Variants in CTNNA2 observed in about 807,000 individuals in gnomAD.
The protein encoded by CTNNA2 is catenin alpha 2, also known as catenin alpha-2.
Under a neutral mutation model 101.0 loss-of-function variants are expected in CTNNA2, and 42 were observed. The observed-to-expected ratio is 0.42, with a 90% confidence interval of 0.32 to 0.54. The LOEUF is 0.54. Ranked by LOEUF, CTNNA2 falls within the 20% of genes least tolerant of loss-of-function variation. The probability of loss-of-function intolerance (pLI) is 0.14; values close to 1 mark genes in which losing one functional copy is unlikely to be tolerated. For synonymous variants in CTNNA2, 450 were observed against 456.4 expected, an observed-to-expected ratio of 0.99 and a Z score of 0.18; for missense variants, 871 against 1,223.1, an observed-to-expected ratio of 0.71 and a Z score of 4.29.
At chr2:79,281,908 T>A (rs1675397195) in intron 2 of CTNNA2, among the ~76,000 whole-genome samples, 1 of 152,198 alleles carries the variant, frequency 6.6e-6, no homozygotes, top group Admixed American at 6.5e-5. Context: ...AAATAACAAC[T>A]ATGTAGCTTC....
intron 3 of CTNNA2, among the ~76,000 whole-genome samples, chr2:79,347,830 T>G (rs1330512326): frequency 6.7e-6 from 1 of 148,574 alleles, no homozygotes; most frequent in East Asian, 2.0e-4. Flanking sequence ...GAAAAACACT[T>G]AAGATTCAGC....
chr2:80,608,590 CTG>C (rs1476451981), intron 17 of CTNNA2: 1 of 268,808 alleles, frequency 3.7e-6, no homozygotes, highest in African/African-American at 2.2e-5. Flanking sequence ...CATTGCCAAG[CTG>C]TGACTATTGT....
intron 4 of CTNNA2, among the ~76,000 whole-genome samples, chr2:79,478,158 A>T (rs1671073194): frequency 6.6e-6 from 1 of 152,114 alleles, no homozygotes; most frequent in African/African-American, 2.4e-5. Context: ...TCCCCCACTA[A>T]ATTTCCAACC....
chr2:80,106,766 G>T (rs1700914430), intron 7 of CTNNA2, among the ~76,000 whole-genome samples: 1 of 152,076 alleles, frequency 6.6e-6, no homozygotes, highest in South Asian at 2.1e-4. Context: ...ATGCTGCTGA[G>T]GCTCTCCAGG....
At chr2:79,592,521 T>A (rs1676930005) in intron 1 of CTNNA2, among the ~76,000 whole-genome samples, 1 of 152,084 alleles carries the variant, frequency 6.6e-6, no homozygotes, top group African/African-American at 2.4e-5. Context: ...TTCTGAGATG[T>A]GGGGGGTGCT....
Position 80,164,901 on chromosome 2 carries a change from A to G in CTNNA2, c.1057-228310A>G, listed in dbSNP as rs563250715. Among the ~76,000 whole-genome samples the G allele has an allele frequency of 9.3e-5, 14 of 150,484 alleles. 1 individual carries two copies. The South Asian group carries it at 2.7e-3, about 29-fold the overall frequency. ...TCTGGTCTCCCTGACTTTTGATAAG[A>G]AATCTACTCTTATTTGAACAGCTTT... On this transcript the variant is annotated intron_variant, in intron 7 of 18. Coordinates refer to ENST00000402739, the MANE Select transcript of CTNNA2 (RefSeq NM_001282597.3).
At chr2:79,488,318 C>CAAAAAAAAAAAA (rs61641596) in intron 4 of CTNNA2, among the ~76,000 whole-genome samples, 1 of 99,874 alleles carries the variant, frequency 1.0e-5, no homozygotes, top group Non-Finnish European at 2.2e-5. Context: ...AACTCCATCT[C>CAAAAAAAAAAAA]AAAAAAAAAA....
chr2:79,789,523 G>A (rs1419483306), intron 3 of CTNNA2, among the ~76,000 whole-genome samples: 2 of 152,096 alleles, frequency 1.3e-5, no homozygotes, highest in East Asian at 3.9e-4. Flanking sequence ...TGTGAGCCGA[G>A]TTTTTATTGC....
chr2:79,237,616 C>T (rs1385459029), intron 2 of CTNNA2, among the ~76,000 whole-genome samples: 1 of 152,134 alleles, frequency 6.6e-6, no homozygotes, highest in Non-Finnish European at 1.5e-5. Flanking sequence ...CATTGAAAAC[C>T]TCTTGCTTAG....
intron 4 of CTNNA2, among the ~76,000 whole-genome samples, chr2:79,470,630 C>T (rs1298731010): frequency 6.6e-6 from 1 of 152,136 alleles, no homozygotes; most frequent in East Asian, 1.9e-4. Context: ...ATAAAATTGA[C>T]ATGCTGGATG....
intron 7 of CTNNA2, among the ~76,000 whole-genome samples, chr2:80,085,894 A>G (rs1216416080): frequency 6.6e-6 from 1 of 152,108 alleles, no homozygotes; most frequent in Non-Finnish European, 1.5e-5. Context: ...AGACTGGCTC[A>G]GAGAGTTAAT....
At chr2:80,159,593 TC>T in intron 7 of CTNNA2, among the ~76,000 whole-genome samples, 1 of 152,340 alleles carries the variant, frequency 6.6e-6, no homozygotes, top group Admixed American at 6.5e-5. Flanking sequence ...TTCTCCTGCC[TC>T]AGCCTCCCAA....
intron 9 of CTNNA2, among the ~76,000 whole-genome samples, chr2:80,432,810 A>AT (rs765825187): frequency 2.1e-4 from 32 of 150,360 alleles, no homozygotes; most frequent in East Asian, 5.9e-4. Flanking sequence ...TTATTACTTA[A>AT]TTTTTTTTTT....
intron 1 of CTNNA2, among the ~76,000 whole-genome samples, chr2:79,549,958 T>G (rs1673988126): frequency 1.3e-5 from 2 of 152,172 alleles, no homozygotes; most frequent in African/African-American, 4.8e-5. Context: ...TTTAATTATA[T>G]AAGGGCCAGT....
chr2:79,265,319 G>C (rs2104291897), intron 2 of CTNNA2, among the ~76,000 whole-genome samples: 1 of 152,264 alleles, frequency 6.6e-6, no homozygotes, highest in East Asian at 1.9e-4. Context: ...AGCTGAACAG[G>C]AATGAGACAG....
At chr2:79,444,985 CA>C (rs764789077) in intron 4 of CTNNA2, among the ~76,000 whole-genome samples, 3 of 152,110 alleles carry the variant, frequency 2.0e-5, no homozygotes, top group Non-Finnish European at 4.4e-5. Flanking sequence ...AGATTATTCT[CA>C]AAAGTCAATT....
chr2:79,706,328 A>T (rs957734845), intron 2 of CTNNA2, among the ~76,000 whole-genome samples: 4 of 135,370 alleles, frequency 3.0e-5, no homozygotes, highest in Admixed American at 2.7e-4. Context: ...ACGCCACTGC[A>T]CTCCGCCCTG....
chr2:79,691,127 A>G (rs1159301884), intron 2 of CTNNA2, among the ~76,000 whole-genome samples: 1 of 152,052 alleles, frequency 6.6e-6, no homozygotes, highest in Non-Finnish European at 1.5e-5. Flanking sequence ...TAAAACTATA[A>G]TAACTACTTT....
intron 1 of CTNNA2, among the ~76,000 whole-genome samples, chr2:79,195,999 C>T (rs1329257609): frequency 2.0e-5 from 3 of 152,024 alleles, no homozygotes; most frequent in Admixed American, 1.3e-4. Context: ...TGCAGTGATG[C>T]GATCTCGGCT....
Sources: gnomAD v4.1 joint callset for allele counts (sites outside exome capture counted in the v4.1 genomes callset) on GRCh38, gnomAD v4.1.1 for gene constraint, MANE v1.5 for transcripts, NCBI Gene and HGNC (gene_info 2026-07-23, HGNC 2026-07-21) for gene names.